The following AVEN variants were observed in gnomAD, a reference collection of about 807,000 sequenced individuals.
AVEN encodes apoptosis and caspase activation inhibitor.
Under a neutral mutation model 38.1 loss-of-function variants are expected in AVEN, and 41 were observed. The ratio of observed to expected loss-of-function variants is 1.08; its 90% CI spans 0.84 to 1.40. The LOEUF (loss-of-function observed/expected upper bound fraction) is 1.40. Among genes scored for constraint, AVEN ranks in the 40% most tolerant of loss-of-function variants. The pLI is 0.00. For missense variants in AVEN, 605 were observed against 438.8 expected (o/e 1.38, Z -3.38); for synonymous variants, 206 against 171.8 (o/e 1.20, Z -1.56).
At chr15:33,895,220 A>C (rs1254896845) in intron 2 of AVEN, among the ~76,000 whole-genome samples, 1 of 152,046 alleles carries the variant, frequency 6.6e-6, no homozygotes, top group African/African-American at 2.4e-5. Context: ...TTATCTTTGA[A>C]GCTTAACCTA....
intron 2 of AVEN, among the ~76,000 whole-genome samples, chr15:33,922,304 T>C (rs1893426233): frequency 6.6e-6 from 1 of 152,194 alleles, no homozygotes; most frequent in African/African-American, 2.4e-5. Flanking sequence ...AGCATCCTAG[T>C]GCAGCTAGAG....
At chr15:34,037,564 A>C (rs891504534) in intron 1 of AVEN, among the ~76,000 whole-genome samples, 1 of 149,292 alleles carries the variant, frequency 6.7e-6, no homozygotes, top group Non-Finnish European at 1.5e-5. Flanking sequence ...ATATATATAT[A>C]ATAGAGTTAT....
intron 1 of AVEN, among the ~76,000 whole-genome samples, chr15:34,021,178 T>G (rs1898183768): frequency 6.6e-6 from 1 of 152,190 alleles, no homozygotes; most frequent in South Asian, 2.1e-4. Context: ...ATGAAAAAAT[T>G]GCATCTTTTT....
intron 1 of AVEN, among the ~76,000 whole-genome samples, chr15:34,008,669 T>C (rs1032094579): frequency 1.3e-5 from 2 of 151,592 alleles, no homozygotes; most frequent in Non-Finnish European, 2.9e-5. Flanking sequence ...TTTGTATTTA[T>C]AGTAGAGACA....
At chr15:34,061,799 T>C (rs77419860) in intron 5 of AVEN, among the ~76,000 whole-genome samples, 3,337 of 152,280 alleles carry the variant, frequency 0.022, 99 homozygotes, top group African/African-American at 0.055. Context: ...AAACCAGATA[T>C]GCACTTGGAG....
intron 2 of AVEN, among the ~76,000 whole-genome samples, chr15:33,897,021 G>A (rs1193032530): frequency 6.6e-6 from 1 of 152,134 alleles, no homozygotes; most frequent in Non-Finnish European, 1.5e-5. Flanking sequence ...CAACAACATA[G>A]ATGAATCGCC....
intron 2 of AVEN, among the ~76,000 whole-genome samples, chr15:33,913,113 T>C (rs1186624676): frequency 6.6e-6 from 1 of 152,126 alleles, no homozygotes; most frequent in Non-Finnish European, 1.5e-5. Context: ...GGTCTCGAAC[T>C]CCCAACCTCA....
At chr15:33,996,521 T>C (rs1008549566) in intron 2 of AVEN, among the ~76,000 whole-genome samples, 2 of 152,154 alleles carry the variant, frequency 1.3e-5, no homozygotes, top group African/African-American at 2.4e-5. Flanking sequence ...TCCTGCAATA[T>C]TTGCTGTTCT....
chr15:34,002,141 T>C (rs568265862), intron 2 of AVEN, among the ~76,000 whole-genome samples: 24 of 152,322 alleles, frequency 1.6e-4, no homozygotes, highest in African/African-American at 5.3e-4. Flanking sequence ...CTGAAACTGA[T>C]ACAATCTGCC....
At chr15:33,856,003 C>G (rs1458226401), downstream of AVEN, 1 of 152,112 alleles carries the variant, frequency 6.6e-6, no homozygotes, top group South Asian at 2.1e-4. Context: ...TTACAGTGTG[C>G]CAAGCTCATG....
chr15:33,993,628 C>T (rs2140580386), intron 2 of AVEN, among the ~76,000 whole-genome samples: 1 of 152,238 alleles, frequency 6.6e-6, no homozygotes, highest in Admixed American at 6.5e-5. Flanking sequence ...ATTGATAATA[C>T]ATATGAGCTT....
intron 1 of AVEN, among the ~76,000 whole-genome samples, chr15:34,009,667 A>G (rs986053883): frequency 6.6e-6 from 1 of 152,200 alleles, no homozygotes; most frequent in African/African-American, 2.4e-5. Context: ...AGGCTGTTAC[A>G]TAATAATAAA....
chr15:33,899,460 C>CTTTTTTTTTTTTTTTTTTTTTTTTTTTTT lies in AVEN; in HGVS notation c.446-23466_446-23465insAAAAAAAAAAAAAAAAAAAAAAAAAAAAA, dbSNP rs533788693. On this transcript the variant is annotated intron_variant, in intron 2 of 5. Transcript: ENST00000306730. Reference sequence around the variant, plus strand: ...TACATTTATTTGCTTCAGGGAAAACCTTTTTTTTTTTTTTTTTTTTTTTTT... The same window carrying CTTTTTTTTTTTTTTTTTTTTTTTTTTTTT: ...TACATTTATTTGCTTCAGGGAAAACCTTTTTTTTTTTTTTTTTTTTTTTTTTTTTTTTTTTTTTTTTTTTTTTTTTTTTT... 8.4e-4 allele frequency among the ~76,000 whole-genome samples: 55 copies of CTTTTTTTTTTTTTTTTTTTTTTTTTTTTT among 65,430 alleles called. 8 individuals are homozygous for CTTTTTTTTTTTTTTTTTTTTTTTTTTTTT. The highest frequency in any genetic ancestry group is 2.1e-3 in the South Asian group (3 of 1,444). The allele number at this position is 65,430 out of a possible 152,430, so 42.9% of individuals were successfully genotyped here. A position where few individuals can be genotyped will look rare whatever the true frequency, so the allele number is the denominator to read the frequency against.
At chr15:33,907,246 A>C (rs1892741860) in intron 2 of AVEN, among the ~76,000 whole-genome samples, 1 of 152,120 alleles carries the variant, frequency 6.6e-6, no homozygotes, top group South Asian at 2.1e-4. Context: ...CTCTCCTTAC[A>C]GCCGAGACCT....
At chr15:33,962,919 CAAAAAAAAAAAAAAAAAAAAAAAAAAAAA>C (rs57807791) in intron 2 of AVEN, among the ~76,000 whole-genome samples, 1 of 81,948 alleles carries the variant, frequency 1.2e-5, no homozygotes, top group Non-Finnish European at 2.3e-5. Flanking sequence ...AACTCGTTCT[CAAAAAAAAAAAAAAAAAAAAAAAAAAAAA>C]AAAAAAAAAT....
chr15:33,939,254 ACT>A lies in AVEN; in HGVS notation c.446-63261_446-63260del. Among the ~76,000 whole-genome samples, 5 of 152,334 alleles carry A rather than the reference ACT, an allele frequency of 3.3e-5. No individual in the cohort carries two copies. In the South Asian group the frequency reaches 1.0e-3, roughly 32 times the overall value. ...CTTCTTCACTTCTATACAAATTGTC[ACT>A]GAATTTACAATGTGTTCAATAGTAT... On this transcript the variant is annotated intron_variant, in intron 2 of 5. Coordinates refer to ENST00000306730, the MANE Select transcript of AVEN (RefSeq NM_020371.3).
At chr15:34,024,905 G>A (rs1027467748) in intron 1 of AVEN, among the ~76,000 whole-genome samples, 30 of 147,162 alleles carry the variant, frequency 2.0e-4, no homozygotes, top group South Asian at 1.1e-3. Context: ...TGGCGAGGCC[G>A]GGCATGGTGG....
At chr15:33,854,493 A>C (rs369682517), downstream of AVEN, 33 of 1,480,652 alleles carry the variant, frequency 2.2e-5, no homozygotes, top group Non-Finnish European at 3.0e-5. Context: ...ACCCCAGTTC[A>C]GGGATGCCAC....
At chr15:34,010,027 T>C (rs1379320895) in intron 1 of AVEN, among the ~76,000 whole-genome samples, 1 of 151,894 alleles carries the variant, frequency 6.6e-6, no homozygotes, top group Non-Finnish European at 1.5e-5. Flanking sequence ...GAACACAGCT[T>C]CACAATATAT....
Sources: allele counts gnomAD v4.1 joint callset (sites outside exome capture counted in the v4.1 genomes callset), GRCh38; gene constraint gnomAD v4.1.1; transcripts MANE v1.5; gene names NCBI Gene and HGNC (gene_info 2026-07-23, HGNC 2026-07-21).